Variants in RUVBL1 observed in about 807,000 individuals in gnomAD.
RUVBL1 encodes the protein ruvB-like 1.
In RUVBL1, 4 loss-of-function variants were observed where a neutral mutation model predicts 52.4. The ratio of observed to expected loss-of-function variants is 0.08; its 90% CI spans 0.04 to 0.17. The LOEUF (loss-of-function observed/expected upper bound fraction) is 0.17, where lower values mean the gene tolerates loss of function less well. Ranked by LOEUF, RUVBL1 falls within the 10% of genes least tolerant of loss-of-function variation. The probability of loss-of-function intolerance (pLI) is 1.00; values close to 1 mark genes in which losing one functional copy is unlikely to be tolerated. For synonymous variants in RUVBL1, 217 were observed against 214.4 expected (o/e 1.01, Z -0.10); for missense variants, 298 against 572.8 (o/e 0.52, Z 4.90).
intron 1 of RUVBL1, among the ~76,000 whole-genome samples, chr3:128,121,129 G>C (rs189901566): frequency 6.6e-6 from 1 of 151,912 alleles, no homozygotes; most frequent in African/African-American, 2.4e-5. Context: ...ATGGAGTCTC[G>C]CTGTCACCCG....
intron 9 of RUVBL1, among the ~76,000 whole-genome samples, chr3:128,069,128 T>G (rs960929371): frequency 6.6e-6 from 1 of 152,216 alleles, no homozygotes; most frequent in Non-Finnish European, 1.5e-5. Flanking sequence ...GAAATTAAAT[T>G]TAATATATTT....
chr3:128,101,631 A>C lies in RUVBL1; in HGVS notation c.531T>G (p.Phe177Leu). Residue 177 changes from phenylalanine to leucine, a missense_variant, in exon 5 of 11, where the codon TTT becomes TTG. By Grantham distance (22) the Phe-to-Leu change is conservative (BLOSUM62 0). Coordinates refer to ENST00000322623, the MANE Select transcript of RUVBL1 (RefSeq NM_003707.3). ...CTACTCGCTCTTTCTGCAAACTTTC[A>C]AAAATGCTGGGGTCCAGCTAAAAAA... ...TKQLKLDPSI[F>L]ESLQKERVEA... 6.2e-7 allele frequency: 1 copy of C among 1,613,984 alleles called. No individual in the cohort carries two copies. Among genetic ancestry groups the C allele is most frequent in the Non-Finnish European group, 8.5e-7 (1 of 1,180,046 alleles).
downstream of RUVBL1, chr3:128,075,891 CGGGAT>C (rs1462304783): frequency 6.6e-6 from 1 of 152,416 alleles, no homozygotes; most frequent in Non-Finnish European, 1.5e-5. Context: ...CCACTGCCCA[CGGGAT>C]AGGCCCCAGT....
intron 1 of RUVBL1, among the ~76,000 whole-genome samples, chr3:128,138,325 C>T (rs1943975543): frequency 6.6e-6 from 1 of 152,034 alleles, no homozygotes; most frequent in Non-Finnish European, 1.5e-5. Flanking sequence ...AACACACCGA[C>T]ACACAAACTG....
chr3:128,075,920 GC>G (rs970913490), downstream of RUVBL1: 270 of 152,034 alleles, frequency 1.8e-3, no homozygotes, highest in African/African-American at 5.6e-3. Context: ...CCCAGCCGGG[GC>G]CCCCCCCTTC....
chr3:128,150,995 ATATATATTATAT>A (rs1254022910), intron 1 of RUVBL1, among the ~76,000 whole-genome samples: 1 of 77,514 alleles, frequency 1.3e-5, no homozygotes, highest in African/African-American at 6.0e-5. Context: ...TATATATATT[ATATATATTATAT>A]TATATATTAT....
At chr3:128,098,473 C>A (rs539829863) in intron 7 of RUVBL1, among the ~76,000 whole-genome samples, 1 of 152,170 alleles carries the variant, frequency 6.6e-6, no homozygotes, top group Non-Finnish European at 1.5e-5. Flanking sequence ...CACAGGGGAG[C>A]AGCAGCAGTG....
rs76063398 is a variant in RUVBL1 at position 128,101,121 on chromosome 3, T to C, written c.604-377A>G. Among the ~76,000 whole-genome samples, 3,447 of 152,256 alleles carry C rather than the reference T, an allele frequency of 0.023. 392 individuals carry two copies. In the East Asian group the frequency reaches 0.35, roughly 15 times the overall value. On this transcript the variant is annotated intron_variant, in intron 5 of 10. Coordinates refer to ENST00000322623, the MANE Select transcript of RUVBL1 (RefSeq NM_003707.3). The stretch of plus-strand genomic sequence containing the variant: ...AGTATTATGCCCATCCATTAAACAG[T>C]GAGGAACACTGTACAGGACCCTGAA...
At chr3:128,069,435 C>A in intron 9 of RUVBL1, 1 of 1,589,104 alleles carries the variant, frequency 6.3e-7, no homozygotes, top group Non-Finnish European at 8.5e-7. Context: ...TCACGGGGAG[C>A]TCTGTGGGTG....
chr3:128,153,388 G>T (rs1182209894), exon 1 of RUVBL1: 3 of 1,391,460 alleles, frequency 2.2e-6, no homozygotes, highest in African/African-American at 3.1e-5. Context: ...AAGCTTCCGG[G>T]CCGGAACGGG....
chr3:128,095,026 C>T (rs1380989199), intron 8 of RUVBL1, among the ~76,000 whole-genome samples: 3 of 152,250 alleles, frequency 2.0e-5, no homozygotes, highest in Non-Finnish European at 4.4e-5. Context: ...TGTCTTCCTT[C>T]CACTTGAGTA....
At chr3:128,143,550 A>G (rs1445631013) in intron 1 of RUVBL1, among the ~76,000 whole-genome samples, 1 of 152,166 alleles carries the variant, frequency 6.6e-6, no homozygotes, top group Non-Finnish European at 1.5e-5. Flanking sequence ...GGATGTGAAC[A>G]TCTTTGTGGG....
chr3:128,140,056 T>C (rs1176258839), intron 1 of RUVBL1, among the ~76,000 whole-genome samples: 1 of 152,046 alleles, frequency 6.6e-6, no homozygotes, highest in Non-Finnish European at 1.5e-5. Context: ...ACAAATAAAT[T>C]ATGTACGCTT....
chr3:128,072,278 G>A (rs1942187416), intron 9 of RUVBL1, among the ~76,000 whole-genome samples: 2 of 152,170 alleles, frequency 1.3e-5, no homozygotes, highest in Non-Finnish European at 2.9e-5. Context: ...CAAACCTGCC[G>A]CCGTCCCCAC....
intron 3 of RUVBL1, among the ~76,000 whole-genome samples, chr3:128,107,985 G>A (rs927170276): frequency 6.6e-6 from 1 of 152,228 alleles, no homozygotes; most frequent in African/African-American, 2.4e-5. Context: ...GTTGCTCTGT[G>A]CTGACAAGCT....
chr3:128,131,530 C>CA (rs1559833616), intron 1 of RUVBL1, among the ~76,000 whole-genome samples: 1 of 146,080 alleles, frequency 6.8e-6, no homozygotes, highest in African/African-American at 2.6e-5. Flanking sequence ...CCAACAACAA[C>CA]AACAAAAAAA....
intron 9 of RUVBL1, among the ~76,000 whole-genome samples, chr3:128,085,910 G>A (rs1379952264): frequency 2.6e-5 from 4 of 152,230 alleles, no homozygotes; most frequent in Admixed American, 6.5e-5. Context: ...ACGGGTTTCC[G>A]GATCAGAAAG....
intron 2 of RUVBL1, among the ~76,000 whole-genome samples, chr3:128,117,731 G>A (rs1367381881): frequency 6.6e-6 from 1 of 151,668 alleles, no homozygotes; most frequent in Non-Finnish European, 1.5e-5. Context: ...TCCTAAGGCT[G>A]ACAATTTTCC....
At chr3:128,076,380 A>G (rs1292739489), downstream of RUVBL1, among the ~76,000 whole-genome samples, 1 of 151,654 alleles carries the variant, frequency 6.6e-6, no homozygotes, top group African/African-American at 2.4e-5. This position sits in a 1 kb window ranked among gnomAD's most constrained non-coding sequence, Gnocchi z 6.8. Flanking sequence ...AAAGGAGCAC[A>G]GGGGGGCGGC....
Sources: gnomAD v4.1 joint callset for allele counts (sites outside exome capture counted in the v4.1 genomes callset) on GRCh38, gnomAD v4.1.1 for gene constraint, Gnocchi (gnomAD v3.1) non-coding constraint, MANE v1.5 for transcripts, NCBI Gene and HGNC (gene_info 2026-07-23, HGNC 2026-07-21) for gene names.